Variants in MAP3K7CL observed in about 807,000 individuals in gnomAD.
MAP3K7CL encodes the protein MAP3K7 C-terminal like.
Under a neutral mutation model 18.6 loss-of-function variants are expected in MAP3K7CL, and 16 were observed. That is an observed-to-expected ratio of 0.86 (90% CI 0.58 to 1.31). MAP3K7CL has a LOEUF of 1.31. Ranked by LOEUF, MAP3K7CL falls within the 50% of genes most tolerant of loss-of-function variation. MAP3K7CL has a pLI of 0.00. For synonymous variants in MAP3K7CL, 65 were observed against 66.8 expected, an observed-to-expected ratio of 0.97 and a Z score of 0.13; for missense variants, 163 against 174.4, an observed-to-expected ratio of 0.93 and a Z score of 0.37.
At chr21:29,115,906 A>T (rs1167715214) in intron 4 of MAP3K7CL, among the ~76,000 whole-genome samples, 1 of 152,218 alleles carries the variant, frequency 6.6e-6, no homozygotes, top group African/African-American at 2.4e-5. Context: ...ACATTAATTG[A>T]ATCTAAAAAA....
intron 1 of MAP3K7CL, among the ~76,000 whole-genome samples, chr21:29,079,223 G>C (rs1341099827): frequency 6.6e-6 from 1 of 152,220 alleles, no homozygotes; most frequent in East Asian, 1.9e-4. Flanking sequence ...CCTTGGAGAA[G>C]CTCTTTGCAG....
intron 4 of MAP3K7CL, among the ~76,000 whole-genome samples, chr21:29,106,932 T>C (rs534493563): frequency 6.6e-6 from 1 of 152,266 alleles, no homozygotes; most frequent in Non-Finnish European, 1.5e-5. Flanking sequence ...CTGCGGCTTG[T>C]TGGGGAAGAA....
At position 29,169,326 on chromosome 21, in the gene MAP3K7CL, A is replaced by G. The variant is rs372192583; in HGVS notation, c.249-5386A>G. On this transcript the variant is annotated intron_variant, in intron 4 of 4. Transcript: ENST00000399928. ...TAAGCATTTGTACAGCTTCAACAAC[A>G]TAGTCTAGACTGAGCATTGGAAATC... 6.6e-5 allele frequency among the ~76,000 whole-genome samples: 10 copies of G among 152,304 alleles called. No individual in the cohort carries two copies. In the East Asian group the frequency reaches 1.7e-3, roughly 26 times the overall value.
At chr21:29,140,913 G>A (rs2086992402) in intron 2 of MAP3K7CL, among the ~76,000 whole-genome samples, 2 of 152,148 alleles carry the variant, frequency 1.3e-5, no homozygotes, top group African/African-American at 4.8e-5. Flanking sequence ...AAGTAGCTAG[G>A]ACTACAGGCA....
chr21:29,098,396 T>G (rs937237686), intron 4 of MAP3K7CL, among the ~76,000 whole-genome samples: 2 of 152,168 alleles, frequency 1.3e-5, no homozygotes, highest in Non-Finnish European at 2.9e-5. Flanking sequence ...GTCTCCTGAC[T>G]CACCCCTCTA....
intron 4 of MAP3K7CL, among the ~76,000 whole-genome samples, chr21:29,115,499 AGG>A (rs1416044053): frequency 7.9e-5 from 12 of 152,348 alleles, no homozygotes; most frequent in Non-Finnish European, 1.6e-4. Context: ...CCCTGAGTGC[AGG>A]GGGCCAGAGT....
chr21:29,165,841 C>T (rs2087673282), intron 4 of MAP3K7CL, among the ~76,000 whole-genome samples: 1 of 152,202 alleles, frequency 6.6e-6, no homozygotes, highest in African/African-American at 2.4e-5. Context: ...GGATTACAGG[C>T]ATGAGCCATG....
At chr21:29,114,522 C>T (rs1479226334) in intron 4 of MAP3K7CL, among the ~76,000 whole-genome samples, 1 of 152,046 alleles carries the variant, frequency 6.6e-6, no homozygotes, top group African/African-American at 2.4e-5. Context: ...TCTCAAGTAG[C>T]TGAGTCTACA....
chr21:29,127,510 G>A (rs1232408439), upstream of MAP3K7CL, among the ~76,000 whole-genome samples: 2 of 152,196 alleles, frequency 1.3e-5, no homozygotes, highest in Non-Finnish European at 2.9e-5. Context: ...AAAGAGCCAA[G>A]AAATACATCA....
At chr21:29,159,752 C>G (rs2087496551) in intron 3 of MAP3K7CL, among the ~76,000 whole-genome samples, 189 bp from the exon 4 acceptor site, 1 of 151,966 alleles carries the variant, frequency 6.6e-6, no homozygotes, top group African/African-American at 2.4e-5. Context: ...ACTATCTGTC[C>G]ACCTCTCTAT....
rs1019947172 is a variant in MAP3K7CL at position 29,086,040 on chromosome 21, C to T, written c.57+123C>T. 6.6e-6 allele frequency: 7 copies of T among 1,055,614 alleles called. No homozygotes were observed. In the Admixed American group the frequency reaches 1.3e-4, roughly 20 times the overall value. 65.4% of individuals were successfully genotyped at this position (1,055,614 alleles called of 1,614,324 possible). ...GAGAAATGGACCTTGGAAGTCTCAG[C>T]TAACCATTACTGTTGGCAATCTGTG... On this transcript the variant is annotated intron_variant, in intron 1 of 6. Coordinates refer to the MAP3K7CL transcript ENST00000286791.
chr21:29,170,279 G>T (rs1043774404), intron 4 of MAP3K7CL, among the ~76,000 whole-genome samples: 1 of 152,112 alleles, frequency 6.6e-6, no homozygotes, highest in Admixed American at 6.5e-5. Flanking sequence ...AAACATATCC[G>T]CTGAGTCTTC....
intron 2 of MAP3K7CL, chr21:29,145,644 G>A (rs2087112115): frequency 6.6e-6 from 1 of 152,210 alleles, no homozygotes; most frequent in South Asian, 2.1e-4. Flanking sequence ...CTTCTGGCTG[G>A]TAGGGATGCC....
chr21:29,099,756 A>G (rs186880902), intron 4 of MAP3K7CL, among the ~76,000 whole-genome samples: 1 of 152,162 alleles, frequency 6.6e-6, no homozygotes, highest in East Asian at 1.9e-4. Context: ...TAAGAAACAG[A>G]TCTCTATCTT....
At chr21:29,110,176 T>C (rs575661327) in intron 4 of MAP3K7CL, among the ~76,000 whole-genome samples, 2 of 152,218 alleles carry the variant, frequency 1.3e-5, no homozygotes, top group Non-Finnish European at 2.9e-5. Context: ...AACACAAAAT[T>C]AATCTATTTT....
chr21:29,134,785 C>A (rs368268485), intron 2 of MAP3K7CL, among the ~76,000 whole-genome samples: 44 of 152,302 alleles, frequency 2.9e-4, no homozygotes, highest in African/African-American at 9.4e-4. Context: ...CACGGTGGCT[C>A]ACGCCTGTAA....
At chr21:29,087,817 TCTC>T in intron 1 of MAP3K7CL, among the ~76,000 whole-genome samples, 1 of 151,924 alleles carries the variant, frequency 6.6e-6, no homozygotes, top group Non-Finnish European at 1.5e-5. Flanking sequence ...ATGGTCTCGA[TCTC>T]CTGACCTCGT....
At chr21:29,094,428 T>G (rs2086084912) in intron 4 of MAP3K7CL, among the ~76,000 whole-genome samples, 1 of 152,190 alleles carries the variant, frequency 6.6e-6, no homozygotes, top group South Asian at 2.1e-4. Context: ...GGGGCCTAAG[T>G]ATTTGAATTT....
At chr21:29,147,561 T>C (rs1381103569) in intron 2 of MAP3K7CL, among the ~76,000 whole-genome samples, 2 of 151,884 alleles carry the variant, frequency 1.3e-5, no homozygotes, top group African/African-American at 4.8e-5. Context: ...GTATCTGTAT[T>C]GTATATGTAT....
Sources: allele counts gnomAD v4.1 joint callset (sites outside exome capture counted in the v4.1 genomes callset), GRCh38; gene constraint gnomAD v4.1.1; transcripts MANE v1.5; gene names NCBI Gene and HGNC (gene_info 2026-07-23, HGNC 2026-07-21).